The following CPLX1 variants were observed in gnomAD, a reference collection of about 807,000 sequenced individuals.
CPLX1 encodes complexin-1.
Under a neutral mutation model 15.6 loss-of-function variants are expected in CPLX1, and 6 were observed. The ratio of observed to expected loss-of-function variants is 0.39; its 90% CI spans 0.21 to 0.76. The LOEUF is 0.76. Among genes scored for constraint, CPLX1 ranks in the 30% least tolerant of loss-of-function variants. The pLI is 0.43. For missense variants in CPLX1, 242 were observed against 188.6 expected (o/e 1.28, Z -1.66); for synonymous variants, 91 against 75.2 (o/e 1.21, Z -1.08).
At chr4:799,593 T>C (rs1746412565) in intron 2 of CPLX1, among the ~76,000 whole-genome samples, 1 of 152,186 alleles carries the variant, frequency 6.6e-6, no homozygotes, top group South Asian at 2.1e-4. Flanking sequence ...CTGGGCATGG[T>C]GGCTCACACC....
chr4:785,128 C>A lies in CPLX1; in HGVS notation c.*1373G>T, dbSNP rs146433146. 1 of 152,082 alleles carries A rather than the reference C, an allele frequency of 6.6e-6. No individual in the cohort carries two copies. Among genetic ancestry groups the A allele is most frequent in the Admixed American group, 6.5e-5 (1 of 15,270 alleles). 9.4% of individuals were successfully genotyped at this position (152,082 alleles called of 1,614,324 possible). ...CTGGGAACGGGGTGCGCAGGTTCTA[C>A]GAGAGGACGCCCTGTCTGCTCAGAG... On this transcript the variant is annotated 3_prime_UTR_variant, in exon 4 of 4. Transcript: ENST00000304062.
chr4:806,934 A>G (rs1252168172), intron 2 of CPLX1, among the ~76,000 whole-genome samples: 2 of 152,256 alleles, frequency 1.3e-5, no homozygotes, highest in Non-Finnish European at 2.9e-5. Flanking sequence ...TCAGAGACCT[A>G]GAACCAGAAA....
At chr4:787,559 G>T in intron 3 of CPLX1, 1 of 664,276 alleles carries the variant, frequency 1.5e-6, no homozygotes, top group Non-Finnish European at 1.9e-6. Flanking sequence ...ACAGACACCC[G>T]GATGGGGGCG....
intron 2 of CPLX1, among the ~76,000 whole-genome samples, chr4:818,285 C>G (rs562248312): frequency 1.3e-5 from 2 of 152,232 alleles, no homozygotes; most frequent in Non-Finnish European, 2.9e-5. Context: ...CTGCTGACAC[C>G]CAGGGGCCCT....
chr4:787,253 C>A, intron 3 of CPLX1: 1 of 985,348 alleles, frequency 1.0e-6, no homozygotes, highest in Non-Finnish European at 1.2e-6. Flanking sequence ...TCCTGGGCTG[C>A]GGTCACTTCC....
At chr4:792,380 C>G in intron 3 of CPLX1, 53 bp downstream of exon 3, 1 of 1,436,300 alleles carries the variant, frequency 7.0e-7, no homozygotes, top group Non-Finnish European at 9.1e-7. Flanking sequence ...GGATCTGGGT[C>G]CCCGCTGGAC....
intron 3 of CPLX1, among the ~76,000 whole-genome samples, chr4:791,199 C>G (rs1376982221): frequency 2.9e-4 from 30 of 104,212 alleles, no homozygotes; most frequent in African/African-American, 9.0e-4. Context: ...GAGCGGGGGG[C>G]GGAGGGGTGG....
chr4:823,405 C>T (rs1746908972), intron 2 of CPLX1, among the ~76,000 whole-genome samples: 1 of 152,212 alleles, frequency 6.6e-6, no homozygotes, highest in Non-Finnish European at 1.5e-5. Context: ...GCGGCGCCTG[C>T]CCTCTGTACA....
At chr4:792,174 C>G (rs1352376545) in intron 3 of CPLX1, among the ~76,000 whole-genome samples, 1 of 152,238 alleles carries the variant, frequency 6.6e-6, no homozygotes. Flanking sequence ...CCACGCAGGG[C>G]TGCGCATCGG....
intron 2 of CPLX1, among the ~76,000 whole-genome samples, chr4:815,832 G>T (rs952710218): frequency 6.6e-6 from 1 of 152,152 alleles, no homozygotes; most frequent in Non-Finnish European, 1.5e-5. Context: ...AACGGGTGGG[G>T]AAGTTGCAGA....
At chr4:809,541 C>T (rs1576994508) in intron 2 of CPLX1, among the ~76,000 whole-genome samples, 1 of 152,330 alleles carries the variant, frequency 6.6e-6, no homozygotes, top group Middle Eastern at 3.4e-3. Context: ...TGGGGGGGAC[C>T]TCAGGCCGTG....
intron 2 of CPLX1, among the ~76,000 whole-genome samples, chr4:805,318 C>T (rs1746537433): frequency 6.6e-6 from 1 of 152,214 alleles, no homozygotes; most frequent in African/African-American, 2.4e-5. Flanking sequence ...ACACCGAACC[C>T]AAACCCTGAA....
intron 2 of CPLX1, among the ~76,000 whole-genome samples, chr4:807,071 A>G (rs555064586): frequency 9.2e-5 from 14 of 152,356 alleles, no homozygotes; most frequent in African/African-American, 2.2e-4. Flanking sequence ...TAGGGAATCA[A>G]CCCAAATGCC....
rs1745987622 is a variant in CPLX1, at chr4:786,364, G to A, written c.*137C>T. 3.2e-6 allele frequency: 3 copies of A among 947,800 alleles called. No homozygotes were observed. In the South Asian group the frequency reaches 7.1e-5, roughly 22 times the overall value. 58.7% of individuals were successfully genotyped at this position (947,800 alleles called of 1,614,324 possible). A position where few individuals can be genotyped will look rare whatever the true frequency, so the allele number is the denominator to read the frequency against. ...CCCCTTGCCGGGTGAGGGAGGCGGC[G>A]GGCGCGGGCAGGGCGGGCCTGGGGC... is the stretch of plus-strand genomic sequence containing the variant. On this transcript the variant is annotated 3_prime_UTR_variant, in exon 4 of 4. Coordinates refer to ENST00000304062, the MANE Select transcript of CPLX1 (RefSeq NM_006651.4).
At chr4:786,723 C>CG (rs1434991591) in intron 3 of CPLX1, 25 bp from the exon 4 acceptor site, 50 of 1,539,436 alleles carry the variant, frequency 3.2e-5, no homozygotes, top group Non-Finnish European at 4.4e-5. Context: ...GGGGTCAGGG[C>CG]GGGGGTCCCG....
chr4:823,244 T>G (rs1746905640), intron 2 of CPLX1, among the ~76,000 whole-genome samples: 1 of 152,142 alleles, frequency 6.6e-6, no homozygotes, highest in South Asian at 2.1e-4. Flanking sequence ...GCCATTATAA[T>G]TAGACTCAAC....
chr4:795,146 G>A (rs1247673663), intron 2 of CPLX1, among the ~76,000 whole-genome samples: 3 of 152,240 alleles, frequency 2.0e-5, no homozygotes, highest in Admixed American at 6.5e-5. Flanking sequence ...TTTTCGGCCC[G>A]GGTACTGCAG....
intron 2 of CPLX1, among the ~76,000 whole-genome samples, chr4:808,132 A>C (rs1746592109): frequency 6.6e-6 from 1 of 152,134 alleles, no homozygotes; most frequent in East Asian, 1.9e-4. Context: ...CGCCAGGCAT[A>C]GTGGCACACA....
intron 2 of CPLX1, among the ~76,000 whole-genome samples, chr4:810,079 T>C (rs1208464389): frequency 1.4e-5 from 2 of 146,076 alleles, no homozygotes; most frequent in African/African-American, 5.1e-5. Context: ...AGATGGAGTC[T>C]CGCTTCGTTG....
Sources: gnomAD v4.1 joint callset for allele counts (sites outside exome capture counted in the v4.1 genomes callset) on GRCh38, gnomAD v4.1.1 for gene constraint, MANE v1.5 for transcripts, NCBI Gene and HGNC (gene_info 2026-07-23, HGNC 2026-07-21) for gene names.